Variants in PCDHGA1 observed in about 807,000 individuals in gnomAD.
PCDHGA1 encodes protocadherin gamma-A1.
A neutral mutation model predicts 58.0 loss-of-function variants in PCDHGA1; 32 were observed. The observed-to-expected ratio is 0.55, with a 90% CI of 0.42 to 0.74. PCDHGA1 has a LOEUF of 0.74. PCDHGA1 is among the 30% of genes least tolerant of loss of function. The probability of loss-of-function intolerance (pLI) is 0.00; values close to 1 mark genes in which losing one functional copy is unlikely to be tolerated. For synonymous variants in PCDHGA1, 498 were observed against 501.1 expected (o/e 0.99, Z 0.08); for missense variants, 1,205 against 1,182.3 (o/e 1.02, Z -0.28).
intron 1 of PCDHGA1, chr5:141,340,214 T>A (rs963735061): frequency 2.5e-6 from 4 of 1,614,044 alleles, no homozygotes; most frequent in Non-Finnish European, 3.4e-6. Flanking sequence ...CAGGGAACAG[T>A]TTTCCTTTTA....
intron 1 of PCDHGA1, among the ~76,000 whole-genome samples, chr5:141,434,630 A>G (rs2097706465): frequency 6.6e-6 from 1 of 152,106 alleles, no homozygotes; most frequent in African/African-American, 2.4e-5. Flanking sequence ...CGTTTCCCAT[A>G]AGGGATACTT....
rs1054594374 is a variant in PCDHGA1 at position 141,489,607 on chromosome 5, A to G, written c.2422-5200A>G. On this transcript the variant is annotated intron_variant, in intron 1 of 3. Coordinates refer to ENST00000517417, the MANE Select transcript of PCDHGA1 (RefSeq NM_018912.3). This position sits in a 1 kb window ranked among gnomAD's most constrained non-coding sequence, Gnocchi z 4.5. ...GGAGCTAATCCGTGTAGAGGTAGAG[A>G]TCCTGGATCTCAATGACAACTCTCC... The G allele has an allele frequency of 6.2e-6, 10 of 1,613,850 alleles. No homozygotes were observed. The highest frequency in any genetic ancestry group is 8.5e-6 in the Non-Finnish European group (10 of 1,179,956).
At chr5:141,376,163 G>C in intron 1 of PCDHGA1, 11 of 1,614,112 alleles carry the variant, frequency 6.8e-6, no homozygotes, top group Non-Finnish European at 9.3e-6. Flanking sequence ...TCTGTACCTG[G>C]TGGTGGCGGT....
intron 1 of PCDHGA1, chr5:141,357,409 G>C: frequency 6.2e-7 from 1 of 1,614,250 alleles, no homozygotes; most frequent in Non-Finnish European, 8.5e-7. Flanking sequence ...AGGTGTGCCT[G>C]CCTCGCACTT....
rs559164097 is a variant in PCDHGA1, at chr5:141,350,779, A to G, written c.2421+17674A>G. On this transcript the variant is annotated intron_variant, in intron 1 of 3. Transcript: ENST00000517417. ...AGTTATACACCATCAACCCCAATCA[A>G]TACTTCTCTCTGTCAACGAAGGAAA... 12 of 1,613,968 alleles carry G rather than the reference A, an allele frequency of 7.4e-6. No individual in the cohort carries two copies. The Admixed American group carries it at 1.2e-4, about 16-fold the overall frequency.
At chr5:141,360,664 T>C (rs1192992193) in intron 1 of PCDHGA1, 1 of 1,613,936 alleles carries the variant, frequency 6.2e-7, no homozygotes. Flanking sequence ...TGACAACGAG[T>C]ACTTTGATCT....
chr5:141,401,215 G>A (rs371927686), intron 1 of PCDHGA1, among the ~76,000 whole-genome samples: 9 of 152,158 alleles, frequency 5.9e-5, no homozygotes, highest in African/African-American at 9.6e-5. Context: ...GGTGGCGGGC[G>A]CCTGTAATCC....
At position 141,332,102 on chromosome 5, in the gene PCDHGA1, CT is replaced by C; in HGVS notation, c.1419del (p.Val474Ter). The C allele has an allele frequency of 6.2e-7, 1 of 1,614,214 alleles. No homozygotes were observed. The highest frequency in any genetic ancestry group is 8.5e-7 in the Non-Finnish European group (1 of 1,180,042). On this transcript the variant is annotated frameshift_variant, in exon 1 of 4. Transcript: ENST00000517417. LOFTEE classifies it high-confidence loss of function. This position sits in a 1 kb window ranked among gnomAD's most constrained non-coding sequence, Gnocchi z 4.6. Reference protein sequence around the residue: ...ENNPRGASIFSVRAHDLDSNE... With the variant: ...ENNPRGASIFXVRAHDLDSNE... ...AACCCCAGAGGAGCCTCCATCTTCT[CT>C]GTGAGGGCCCACGACTTGGACAGCA...
At position 141,486,548 on chromosome 5, in the gene PCDHGA1, T is replaced by C; in HGVS notation, c.2422-8259T>C. 1 of 1,614,100 alleles carries C rather than the reference T, an allele frequency of 6.2e-7. No individual in the cohort carries two copies. ...TAATCCACCCTCTTTCTTTCAGAGG[T>C]CACATGAGGTGTTTGTTCCTGAGAA... is the stretch of plus-strand genomic sequence containing the variant. On this transcript the variant is annotated intron_variant, in intron 1 of 3. Coordinates refer to ENST00000517417, the MANE Select transcript of PCDHGA1 (RefSeq NM_018912.3). The surrounding 1 kb of genome is among the most constrained non-coding windows in gnomAD (Gnocchi z 5.0).
chr5:141,390,486 G>GT (rs2092161053), intron 1 of PCDHGA1: 4 of 649,376 alleles, frequency 6.2e-6, no homozygotes, highest in Non-Finnish European at 7.7e-6. Flanking sequence ...ACATTTGTTT[G>GT]TTTTTTAGCC....
At chr5:141,389,440 A>C (rs769871337) in intron 1 of PCDHGA1, 3 of 1,610,596 alleles carry the variant, frequency 1.9e-6, no homozygotes, top group Non-Finnish European at 2.5e-6. Context: ...CGCGCCTTCG[A>C]CCACGAGCAG....
intron 1 of PCDHGA1, among the ~76,000 whole-genome samples, chr5:141,473,350 G>A (rs28461214): frequency 0.13 from 19,833 of 152,204 alleles, 1,410 homozygotes; most frequent in African/African-American, 0.17. Context: ...CAGTGAGGAT[G>A]CAAGTGGCCA....
intron 3 of PCDHGA1, among the ~76,000 whole-genome samples, chr5:141,506,484 C>T (rs1489425559): frequency 6.6e-6 from 1 of 150,566 alleles, no homozygotes; most frequent in Non-Finnish European, 1.5e-5. Context: ...GCTTTAGAGG[C>T]AGGCCAATCT....
At position 141,491,872 on chromosome 5, in the gene PCDHGA1, G is replaced by A; in HGVS notation, c.2422-2935G>A. On this transcript the variant is annotated intron_variant, in intron 1 of 3. Transcript: ENST00000517417. The surrounding 1 kb of genome is among the most constrained non-coding windows in gnomAD (Gnocchi z 6.9). ...CCGTTTGCGCGAAACCAGAGTGGCCGATTAAGGGATGGGGCTCCGAGCACC... is the reference window on the plus strand; with the variant it reads ...CCGTTTGCGCGAAACCAGAGTGGCCAATTAAGGGATGGGGCTCCGAGCACC... 6.9e-7 allele frequency: 1 copy of A among 1,452,190 alleles called. No individual in the cohort carries two copies. The highest frequency in any genetic ancestry group is 9.1e-7 in the Non-Finnish European group (1 of 1,098,644). The allele number at this position is 1,452,190 out of a possible 1,614,324, so 90.0% of individuals were successfully genotyped here.
chr5:141,351,363 G>A lies in PCDHGA1; in HGVS notation c.2421+18258G>A, dbSNP rs539097472. 158 of 1,612,860 alleles carry A rather than the reference G, an allele frequency of 9.8e-5. No homozygotes were observed. In the Admixed American group the frequency reaches 1.4e-3, roughly 15 times the overall value. On this transcript the variant is annotated intron_variant, in intron 1 of 3. Transcript: ENST00000517417. The stretch of plus-strand genomic sequence containing the variant: ...ACTGTAATAGCCCTCATAAAAGTGC[G>A]AGACAAGGATTCTGGGCAAAATGGC...
intron 1 of PCDHGA1, chr5:141,351,714 A>T: frequency 6.2e-7 from 1 of 1,613,242 alleles, no homozygotes; most frequent in Non-Finnish European, 8.5e-7. Flanking sequence ...AGAGTCTCCT[A>T]CTCTATTCTG....
At chr5:141,390,207 C>T in intron 1 of PCDHGA1, 1 of 1,614,028 alleles carries the variant, frequency 6.2e-7, no homozygotes, top group Non-Finnish European at 8.5e-7. Flanking sequence ...GAGTTCAGGA[C>T]AAGACATACT....
rs979237199 is a variant in PCDHGA1, at chr5:141,477,828, G to C, written c.2422-16979G>C. On this transcript the variant is annotated intron_variant, in intron 1 of 3. Transcript: ENST00000517417. This position sits in a 1 kb window ranked among gnomAD's most constrained non-coding sequence, Gnocchi z 4.9. Reference sequence around the variant, plus strand: ...AATGCCCCCCAGGTCCTATATCCTCGGCCAGGTGGGAGCTCGGTGGAGATG... The same window carrying C: ...AATGCCCCCCAGGTCCTATATCCTCCGCCAGGTGGGAGCTCGGTGGAGATG... The C allele has an allele frequency of 3.7e-6, 6 of 1,614,082 alleles. No individual in the cohort carries two copies. The highest frequency in any genetic ancestry group is 3.4e-6 in the Non-Finnish European group (4 of 1,180,006).
rs2096175268 is a variant in PCDHGA1, at chr5:141,417,870, G to A, written c.2422-76937G>A. On this transcript the variant is annotated intron_variant, in intron 1 of 3. Transcript: ENST00000517417. ...GAACCCGAGCGAACGATGGGAGGGA[G>A]CTGCGCGCAGAGGCGCCGGGCCGGC... 3 of 1,553,910 alleles carry A rather than the reference G, an allele frequency of 1.9e-6. No homozygotes were observed. Among genetic ancestry groups the A allele is most frequent in the Admixed American group, 2.0e-5 (1 of 51,084 alleles).
Sources: gnomAD v4.1 joint callset for allele counts (sites outside exome capture counted in the v4.1 genomes callset) on GRCh38, gnomAD v4.1.1 for gene constraint, Gnocchi (gnomAD v3.1) non-coding constraint, MANE v1.5 for transcripts, NCBI Gene and HGNC (gene_info 2026-07-23, HGNC 2026-07-21) for gene names.